Variants in KDM7A observed in about 807,000 individuals in gnomAD.
KDM7A encodes lysine-specific demethylase 7A.
In KDM7A, 28 loss-of-function variants were observed where a neutral mutation model predicts 114.8. The observed-to-expected ratio is 0.24, with a 90% CI of 0.18 to 0.33. The LOEUF is 0.33. Among genes scored for constraint, KDM7A ranks in the 10% least tolerant of loss-of-function variants. KDM7A has a pLI of 1.00. For missense variants in KDM7A, 942 were observed against 1,142.5 expected (o/e 0.82, Z 2.53); for synonymous variants, 423 against 397.8 (o/e 1.06, Z -0.75).
In KDM7A at chr7:140,110,701, C is replaced by T. The variant is rs144422311; in HGVS notation, c.1428+394G>A. 3.3e-3 allele frequency among the ~76,000 whole-genome samples: 496 copies of T among 152,288 alleles called. 1 individual carries two copies. The highest frequency in any genetic ancestry group is 0.012 in the African/African-American group (486 of 41,570). On this transcript the variant is annotated intron_variant, in intron 11 of 19. Coordinates refer to ENST00000397560, the MANE Select transcript of KDM7A (RefSeq NM_030647.2). ...CTTGCCCCACTCTACTGCTTATCAT[C>T]CCTCTCTCCATCTCAGCTTCCCTAG...
intron 4 of KDM7A, 76 bp from the exon 5 acceptor site, chr7:140,127,659 A>G: frequency 8.2e-7 from 1 of 1,225,200 alleles, no homozygotes; most frequent in East Asian, 2.3e-5. Flanking sequence ...AAAATATTTT[A>G]ACTTGGTATG....
At chr7:140,135,309 T>TTCCCC (rs1375525934) in intron 2 of KDM7A, among the ~76,000 whole-genome samples, 15 of 147,394 alleles carry the variant, frequency 1.0e-4, no homozygotes, top group Non-Finnish European at 1.8e-4. Context: ...GTTCCAGCAA[T>TTCCCC]TCCCCTGCCT....
chr7:140,091,905 C>T lies in KDM7A; in HGVS notation c.2630G>A (p.Ser877Asn). The T allele has an allele frequency of 6.2e-7, 1 of 1,613,978 alleles. No homozygotes were observed. The highest frequency in any genetic ancestry group is 1.3e-5 in the African/African-American group (1 of 74,950). ...AGTTTCACCAACTGGCCTTTCTGGGCTTAGACTGCCATTACTTATCTGGCA... is the reference window on the plus strand; with the variant it reads ...AGTTTCACCAACTGGCCTTTCTGGGTTTAGACTGCCATTACTTATCTGGCA... ...GACQISNGSL[S>N]PERPVGETSF... Residue 877 changes from serine (S) to asparagine (N), a missense_variant, in exon 19 of 20, where the codon AGC becomes AAC. Ser to Asn is a conservative substitution (Grantham distance 46, BLOSUM62 1). Around this residue, in one of 4 missense-constraint regions of KDM7A, gnomAD observed 512 missense variants for 576.6 expected, o/e 0.89. Coordinates refer to ENST00000397560, the MANE Select transcript of KDM7A (RefSeq NM_030647.2).
chr7:140,176,427 C>G lies in KDM7A; in HGVS notation c.194+317G>C, dbSNP rs1201150848. Reference sequence around the variant, plus strand: ...CCGGCCGGCGCTCCGCCCGACGCCCCCGCCGCGCCCGCCCGGCCGCGTCCC... The same window carrying G: ...CCGGCCGGCGCTCCGCCCGACGCCCGCGCCGCGCCCGCCCGGCCGCGTCCC... On this transcript the variant is annotated intron_variant, in intron 1 of 19. Transcript: ENST00000397560. This position sits in a 1 kb window ranked among gnomAD's most constrained non-coding sequence, Gnocchi z 4.4. Among the ~76,000 whole-genome samples, 2 of 144,642 alleles carry G rather than the reference C, an allele frequency of 1.4e-5. No homozygotes were observed. Among genetic ancestry groups the G allele is most frequent in the African/African-American group, 4.9e-5 (2 of 40,470 alleles). The allele number at this position is 144,642 out of a possible 152,430, so 94.9% of individuals were successfully genotyped here.
intron 1 of KDM7A, among the ~76,000 whole-genome samples, chr7:140,171,011 A>T (rs1794632178): frequency 2.0e-5 from 3 of 152,112 alleles, no homozygotes; most frequent in East Asian, 1.9e-4. Flanking sequence ...GATTGCTTGC[A>T]CTCAGGAGTT....
chr7:140,100,077 C>A (rs73469847), intron 12 of KDM7A, 54 bp from the exon 13 acceptor site: 6 of 1,595,462 alleles, frequency 3.8e-6, no homozygotes, highest in South Asian at 1.1e-5. Context: ...TAGCCCTGTT[C>A]GACTGATGGA....
At chr7:140,114,234 A>G (rs1818477683) in intron 9 of KDM7A, among the ~76,000 whole-genome samples, 1 of 151,984 alleles carries the variant, frequency 6.6e-6, no homozygotes, top group Admixed American at 6.6e-5. Context: ...GCTGGACTGT[A>G]CTGCCGCCAT....
rs1014064189 is a variant in KDM7A at position 140,098,290 on chromosome 7, T to C, written c.1918+589A>G. On this transcript the variant is annotated intron_variant, in intron 14 of 19. Transcript: ENST00000397560. The stretch of plus-strand genomic sequence containing the variant: ...TATATATTTGAACTACTTTTTAAAA[T>C]AGAAAGGAATACAGAGATCCTGAAA... 5.9e-5 allele frequency among the ~76,000 whole-genome samples: 9 copies of C among 152,270 alleles called. No homozygotes were observed. The East Asian group carries it at 1.7e-3, about 29-fold the overall frequency.
chr7:140,134,559 CTTTTT>C (rs536958807), intron 2 of KDM7A, among the ~76,000 whole-genome samples: 2 of 145,392 alleles, frequency 1.4e-5, no homozygotes, highest in Non-Finnish European at 3.0e-5. Context: ...TGTTTTAAAT[CTTTTT>C]TTTTTTTAAG....
intron 1 of KDM7A, among the ~76,000 whole-genome samples, chr7:140,148,708 A>C (rs1794368498): frequency 6.6e-6 from 1 of 152,190 alleles, no homozygotes; most frequent in South Asian, 2.1e-4. Flanking sequence ...CTAAGGTAAA[A>C]ATTTATAATT....
intron 9 of KDM7A, among the ~76,000 whole-genome samples, chr7:140,117,876 C>A (rs1818557072): frequency 6.6e-6 from 1 of 152,174 alleles, no homozygotes; most frequent in East Asian, 1.9e-4. Context: ...AAGGACCTGT[C>A]TCCTTCTCAT....
intron 12 of KDM7A, 48 bp downstream of exon 12, chr7:140,101,903 T>G (rs757160080): frequency 3.9e-6 from 5 of 1,278,464 alleles, no homozygotes; most frequent in Middle Eastern, 2.2e-4. Context: ...ATAAAGACTT[T>G]AAGGAACAGC....
chr7:140,121,698 T>C (rs140200286), intron 7 of KDM7A, among the ~76,000 whole-genome samples: 133 of 152,340 alleles, frequency 8.7e-4, no homozygotes, highest in Middle Eastern at 6.8e-3. Context: ...GAAATTGTCC[T>C]GCATCACTCG....
intron 1 of KDM7A, among the ~76,000 whole-genome samples, chr7:140,151,494 G>C (rs1294421293): frequency 6.6e-6 from 1 of 152,120 alleles, no homozygotes; most frequent in Non-Finnish European, 1.5e-5. Flanking sequence ...AATATAAAGG[G>C]ATAGAAAATG....
chr7:140,096,119 T>C (rs1818105204), intron 17 of KDM7A, among the ~76,000 whole-genome samples: 1 of 152,122 alleles, frequency 6.6e-6, no homozygotes, highest in Non-Finnish European at 1.5e-5. Flanking sequence ...GTCTACCCTC[T>C]TTTCCTAATA....
chr7:140,091,198 A>G lies in KDM7A; in HGVS notation c.2732-10T>C, dbSNP rs751097346. On this transcript the variant is annotated splice_polypyrimidine_tract_variant and intron_variant, in intron 19 of 19. Transcript: ENST00000397560. ...TTTTTTGGACGTTTACCTATAAAAC[A>G]CCAAAAGGGAGTGTAAGTAATGATG... 2 of 1,572,750 alleles carry G rather than the reference A, an allele frequency of 1.3e-6. No homozygotes were observed. Among genetic ancestry groups the G allele is most frequent in the African/African-American group, 2.7e-5 (2 of 74,122 alleles).
At chr7:140,132,414 T>C (rs1391967780) in intron 3 of KDM7A, among the ~76,000 whole-genome samples, 2 of 152,066 alleles carry the variant, frequency 1.3e-5, no homozygotes, top group African/African-American at 2.4e-5. Flanking sequence ...AAGAAAGCTA[T>C]AGCTCCTCTC....
chr7:140,135,465 T>C (rs1378225597), intron 2 of KDM7A, among the ~76,000 whole-genome samples: 1 of 152,182 alleles, frequency 6.6e-6, no homozygotes, highest in African/African-American at 2.4e-5. Context: ...CCTCCCAAAG[T>C]GCTAGGATTA....
At chr7:140,106,130 G>T (rs538367618) in intron 11 of KDM7A, among the ~76,000 whole-genome samples, 1 of 152,136 alleles carries the variant, frequency 6.6e-6, no homozygotes, top group Non-Finnish European at 1.5e-5. Context: ...GGGATCGGTG[G>T]TGATATCCCC....
Sources: allele counts gnomAD v4.1 joint callset (sites outside exome capture counted in the v4.1 genomes callset), GRCh38; gene constraint gnomAD v4.1.1; regional missense constraint gnomAD v4.1.1; non-coding constraint Gnocchi (gnomAD v3.1); transcripts MANE v1.5; gene names NCBI Gene and HGNC (gene_info 2026-07-23, HGNC 2026-07-21).